The following PCDH15 variants were observed in gnomAD, a reference collection of about 807,000 sequenced individuals.
PCDH15 encodes the protein protocadherin related 15, also known as protocadherin-15.
In PCDH15, 129 loss-of-function variants were observed where a neutral mutation model predicts 178.5. The ratio of observed to expected loss-of-function variants is 0.72; its 90% CI spans 0.63 to 0.84. The LOEUF is 0.84. Ranked by LOEUF, PCDH15 falls within the 40% of genes least tolerant of loss-of-function variation. The pLI, the probability that PCDH15 is intolerant of heterozygous loss-of-function variation, is 0.00. For synonymous variants in PCDH15, 800 were observed against 732.0 expected (o/e 1.09, Z -1.50); for missense variants, 2,230 against 2,099.9 (o/e 1.06, Z -1.21).
In PCDH15 at chr10:54,346,405, C is replaced by A. The variant is rs1442912776; in HGVS notation, c.554G>T (p.Gly185Val). 6.2e-7 allele frequency: 1 copy of A among 1,613,430 alleles called. No individual in the cohort carries two copies. The highest frequency in any genetic ancestry group is 8.5e-7 in the Non-Finnish European group (1 of 1,179,520). ...GATDIDDGPNGQIEYVIQYNP... is the reference protein window; with the variant it reads ...GATDIDDGPNVQIEYVIQYNP... Reference sequence around the variant, plus strand: ...ATACTGAATAACATACTCTATCTGTCCATTTGGTCCATCATCTATATCTGT... The same window carrying A: ...ATACTGAATAACATACTCTATCTGTACATTTGGTCCATCATCTATATCTGT... Residue 185 changes from glycine to valine, a missense_variant, in exon 6 of 38, where the codon GGA becomes GTA. Physicochemically the swap from Gly to Val is moderately radical, Grantham distance 109. Coordinates refer to ENST00000644397, the MANE Select transcript of PCDH15 (RefSeq NM_001384140.1).
At chr10:53,929,162 T>C (rs2084826106) in intron 25 of PCDH15, among the ~76,000 whole-genome samples, 1 of 152,102 alleles carries the variant, frequency 6.6e-6, no homozygotes, top group African/African-American at 2.4e-5. Flanking sequence ...GGAAGAGCAC[T>C]GCCTCAATGC....
chr10:55,547,140 G>A (rs1247218898), intron 2 of PCDH15, among the ~76,000 whole-genome samples: 1 of 152,108 alleles, frequency 6.6e-6, no homozygotes, highest in Non-Finnish European at 1.5e-5. Flanking sequence ...GAGCAGCCCG[G>A]GGACGTTGAT....
chr10:54,702,071 G>C (rs1267219908), intron 1 of PCDH15, among the ~76,000 whole-genome samples: 1 of 151,896 alleles, frequency 6.6e-6, no homozygotes, highest in Non-Finnish European at 1.5e-5. Context: ...ACAATCCTCA[G>C]CATATGCAAC....
At chr10:54,375,803 A>AAT (rs1256825583) in intron 4 of PCDH15, among the ~76,000 whole-genome samples, 16 of 116,478 alleles carry the variant, frequency 1.4e-4, no homozygotes, top group Non-Finnish European at 2.8e-4. Flanking sequence ...ATATATATAT[A>AAT]ATATATAAAT....
chr10:55,056,907 T>C (rs1841321564), intron 2 of PCDH15, among the ~76,000 whole-genome samples: 2 of 152,054 alleles, frequency 1.3e-5, no homozygotes, highest in African/African-American at 4.8e-5. Flanking sequence ...GTGCTAGGAT[T>C]ACAGGCATGA....
chr10:53,852,120 C>A (rs1207802312), intron 28 of PCDH15, among the ~76,000 whole-genome samples: 1 of 151,884 alleles, frequency 6.6e-6, no homozygotes, highest in Non-Finnish European at 1.5e-5. Flanking sequence ...ACCACAGATT[C>A]CTCTTATTTG....
intron 2 of PCDH15, among the ~76,000 whole-genome samples, chr10:55,601,676 C>A (rs1242954096): frequency 6.6e-6 from 1 of 151,746 alleles, no homozygotes; most frequent in East Asian, 1.9e-4. Context: ...GTTAAACATA[C>A]CAGAGAAATT....
At chr10:54,304,096 C>A (rs1464423016) in intron 8 of PCDH15, among the ~76,000 whole-genome samples, 1 of 151,974 alleles carries the variant, frequency 6.6e-6, no homozygotes, top group Non-Finnish European at 1.5e-5. Flanking sequence ...TTTATCATAC[C>A]AATCATATTT....
intron 1 of PCDH15, among the ~76,000 whole-genome samples, chr10:55,274,863 C>T (rs1034918294): frequency 2.3e-4 from 35 of 151,986 alleles, no homozygotes; most frequent in Admixed American, 1.7e-3. Flanking sequence ...ATAGGGTCCC[C>T]GCTCTTAGGA....
At chr10:54,423,924 T>C (rs1955882357) in intron 3 of PCDH15, among the ~76,000 whole-genome samples, 1 of 151,812 alleles carries the variant, frequency 6.6e-6, no homozygotes, top group South Asian at 2.1e-4. Flanking sequence ...GAAGAAAACC[T>C]AGGCAATACC....
At chr10:54,383,903 C>CT (rs1327980297) in intron 3 of PCDH15, among the ~76,000 whole-genome samples, 1 of 151,762 alleles carries the variant, frequency 6.6e-6, no homozygotes, top group Non-Finnish European at 1.5e-5. Flanking sequence ...ACTGCAACCT[C>CT]TGTTTCCTGG....
chr10:54,394,041 G>A (rs1331044149), intron 3 of PCDH15, among the ~76,000 whole-genome samples: 2 of 151,516 alleles, frequency 1.3e-5, no homozygotes, highest in African/African-American at 4.9e-5. Context: ...GAAAAAGGAA[G>A]GTGAAGGAAA....
intron 21 of PCDH15, among the ~76,000 whole-genome samples, chr10:53,987,704 G>T (rs1448444458): frequency 6.6e-6 from 1 of 152,122 alleles, no homozygotes; most frequent in Non-Finnish European, 1.5e-5. Context: ...AATTTACCAT[G>T]AAGGCCGCCC....
Position 54,133,748 on chromosome 10 carries a change from G to A in PCDH15, c.1785-741C>T, listed in dbSNP as rs1314178553. ...GTTTTATAAAACAAAAACTGAAGAAGCATGTTAGTCAAGGTTTGTAAGGTG... is the reference window on the plus strand; with the variant it reads ...GTTTTATAAAACAAAAACTGAAGAAACATGTTAGTCAAGGTTTGTAAGGTG... On this transcript the variant is annotated intron_variant, in intron 14 of 37. Coordinates refer to ENST00000644397, the MANE Select transcript of PCDH15 (RefSeq NM_001384140.1). 2.6e-5 allele frequency among the ~76,000 whole-genome samples: 4 copies of A among 151,990 alleles called. No individual in the cohort carries two copies. In the East Asian group the frequency reaches 7.7e-4, roughly 29 times the overall value.
chr10:55,087,898 G>A (rs927602291), intron 2 of PCDH15, among the ~76,000 whole-genome samples: 1 of 152,030 alleles, frequency 6.6e-6, no homozygotes, highest in African/African-American at 2.4e-5. Flanking sequence ...GAGTGAATTA[G>A]ATTAAATTTA....
chr10:54,094,891 GA>G (rs2094671917), intron 15 of PCDH15, among the ~76,000 whole-genome samples: 1 of 152,064 alleles, frequency 6.6e-6, no homozygotes, highest in Non-Finnish European at 1.5e-5. Context: ...CACCAATAGG[GA>G]AACAAAAGTA....
intron 1 of PCDH15, among the ~76,000 whole-genome samples, chr10:54,793,656 A>G (rs1332554724): frequency 3.4e-5 from 5 of 149,158 alleles, no homozygotes; most frequent in African/African-American, 9.8e-5. Context: ...ATGTATATAT[A>G]TGCTTATATA....
intron 1 of PCDH15, among the ~76,000 whole-genome samples, chr10:55,205,413 A>G (rs1363125800): frequency 6.6e-6 from 1 of 152,004 alleles, no homozygotes; most frequent in African/African-American, 2.4e-5. Flanking sequence ...AGGACATATA[A>G]TTATGTATTT....
At chr10:54,746,832 C>T (rs1244647889) in intron 1 of PCDH15, among the ~76,000 whole-genome samples, 1 of 151,590 alleles carries the variant, frequency 6.6e-6, no homozygotes, top group Non-Finnish European at 1.5e-5. Context: ...CAAAGTCCAG[C>T]GGACACCACG....
Sources: gnomAD v4.1 joint callset for allele counts (sites outside exome capture counted in the v4.1 genomes callset) on GRCh38, gnomAD v4.1.1 for gene constraint, MANE v1.5 for transcripts, NCBI Gene and HGNC (gene_info 2026-07-23, HGNC 2026-07-21) for gene names.